Variants in DMD observed in about 807,000 individuals in gnomAD.
DMD encodes dystrophin, also known as mutant dystrophin.
In DMD, 63 loss-of-function variants were observed where a neutral mutation model predicts 330.1. That is an observed-to-expected ratio of 0.19 (90% CI 0.16 to 0.24). The LOEUF is 0.24. Among genes scored for constraint, DMD ranks in the 10% least tolerant of loss-of-function variants. The pLI, the probability that DMD is intolerant of heterozygous loss-of-function variation, is 1.00. For synonymous variants in DMD, 1,223 were observed against 959.8 expected (o/e 1.27, Z -5.07); for missense variants, 3,344 against 2,684.1 (o/e 1.25, Z -5.43).
intron 62 of DMD, among the ~76,000 whole-genome samples, chrX:31,272,437 A>C (rs2051716549): frequency 8.9e-6 from 1 of 111,928 alleles, no homozygotes; most frequent in Non-Finnish European, 1.9e-5. Context: ...GGTCTACCTT[A>C]ACAGCTCAAA....
At chrX:31,707,238 C>T (rs1220674946) in intron 52 of DMD, among the ~76,000 whole-genome samples, 1 of 110,501 alleles carries the variant, frequency 9.0e-6, no homozygotes, top group Non-Finnish European at 1.9e-5. Context: ...GCTGAAATAG[C>T]TAATATGAGA....
At chrX:32,895,016 T>C (rs752478749) in intron 2 of DMD, among the ~76,000 whole-genome samples, 1 of 112,077 alleles carries the variant, frequency 8.9e-6, no homozygotes, top group East Asian at 2.8e-4. Context: ...TGGAGAGGGC[T>C]CTCCTCCTGA....
At chrX:31,959,409 G>A (rs2095278483) in intron 45 of DMD, among the ~76,000 whole-genome samples, 2 of 111,108 alleles carry the variant, frequency 1.8e-5, no homozygotes, top group South Asian at 3.8e-4. Flanking sequence ...GTGGATAGGC[G>A]GTTTTTGGAA....
chrX:32,059,776 T>C (rs1249158227), intron 44 of DMD, among the ~76,000 whole-genome samples: 2 of 111,398 alleles, frequency 1.8e-5, no homozygotes, highest in Non-Finnish European at 3.8e-5. Context: ...GTGATAATAC[T>C]GGATGCTTAA....
intron 2 of DMD, among the ~76,000 whole-genome samples, chrX:32,884,849 CT>C (rs2084364955): frequency 8.9e-6 from 1 of 112,076 alleles, no homozygotes; most frequent in Non-Finnish European, 1.9e-5. Context: ...TCACTGTCGC[CT>C]TTACATCTTC....
intron 11 of DMD, among the ~76,000 whole-genome samples, chrX:32,619,375 AG>A (rs2057822396): frequency 9.0e-6 from 1 of 111,367 alleles, no homozygotes; most frequent in Non-Finnish European, 1.9e-5. Context: ...AAAATATTCA[AG>A]TGATGTATTT....
Position 32,484,921 on chromosome X carries a change from G to A in DMD, c.2801C>T (p.Thr934Ile), listed in dbSNP as rs2042264322. 8.3e-7 allele frequency: 1 copy of A among 1,210,685 alleles called. No individual in the cohort carries two copies. The highest frequency in any genetic ancestry group is 1.1e-6 in the Non-Finnish European group (1 of 894,809). Residue 934 changes from threonine to isoleucine, a missense_variant and splice_region_variant, in exon 21 of 79, where the codon ACA becomes ATA. Physicochemically the swap from Thr to Ile is moderately conservative, Grantham distance 89. Transcript: ENST00000357033. ...GCCATTTTAGGCTTTTTACTTACTT[G>A]TCTGTAGCTCTTTCTCTCTGGCCTG... ...DVQAREKELQ[T>I]IFDTLPPMRY...
At chrX:32,778,243 C>CAAAAAAAAAAAAA (rs35311570) in intron 7 of DMD, among the ~76,000 whole-genome samples, 2 of 67,646 alleles carry the variant, frequency 3.0e-5, no homozygotes, top group African/African-American at 1.1e-4. Flanking sequence ...CAGATCCTCG[C>CAAAAAAAAAAAAA]AAAAAAAAAA....
chrX:31,998,024 T>A (rs2095600910), intron 44 of DMD, among the ~76,000 whole-genome samples: 1 of 111,608 alleles, frequency 9.0e-6, no homozygotes, highest in African/African-American at 3.3e-5. Flanking sequence ...TGGCTGGGTC[T>A]GAAGTGAGCT....
rs149905494 is a variant in DMD at position 32,170,152 on chromosome X, A to G, written c.6438+46764T>C. ...CCACCACACCTGTTACTTTTGACAT[A>G]TTTTTATATTTCTCAATAATTAAAA... is the stretch of plus-strand genomic sequence containing the variant. On this transcript the variant is annotated intron_variant, in intron 44 of 78. Coordinates refer to ENST00000357033, the MANE Select transcript of DMD (RefSeq NM_004006.3). 2.3e-3 allele frequency among the ~76,000 whole-genome samples: 250 copies of G among 110,375 alleles called. 1 individual carries two copies. Among genetic ancestry groups the G allele is most frequent in the African/African-American group, 7.5e-3 (226 of 30,332 alleles).
At chrX:33,275,630 C>T (rs1203865144) in intron 1 of DMD, among the ~76,000 whole-genome samples, 1 of 111,438 alleles carries the variant, frequency 9.0e-6, no homozygotes, top group Non-Finnish European at 1.9e-5. Flanking sequence ...TGGCAATTTG[C>T]TATTTAGGAA....
chrX:31,291,449 G>C (rs955006260), intron 62 of DMD, among the ~76,000 whole-genome samples: 1 of 111,594 alleles, frequency 9.0e-6, no homozygotes, highest in Non-Finnish European at 1.9e-5. Flanking sequence ...CTTACGCTTC[G>C]CTAGCCTTGC....
intron 19 of DMD, among the ~76,000 whole-genome samples, chrX:32,495,301 G>A (rs2043383150): frequency 9.0e-6 from 1 of 111,675 alleles, no homozygotes; most frequent in South Asian, 3.7e-4. Flanking sequence ...GGAGTAGAAA[G>A]AGTATAACTA....
chrX:32,299,630 C>G (rs765396186), intron 42 of DMD, among the ~76,000 whole-genome samples: 1 of 110,244 alleles, frequency 9.1e-6, no homozygotes, highest in East Asian at 2.9e-4. Flanking sequence ...CTTGAACATC[C>G]AGAGTGGGAC....
At chrX:32,519,855 G>C (rs967663688) in intron 17 of DMD, among the ~76,000 whole-genome samples, 1 of 111,882 alleles carries the variant, frequency 8.9e-6, no homozygotes, top group Non-Finnish European at 1.9e-5. Context: ...GGAACACAAA[G>C]CCCTTAGAAA....
intron 2 of DMD, among the ~76,000 whole-genome samples, chrX:33,008,784 CTATATATACG>C (rs1241074749): frequency 5.0e-4 from 18 of 35,962 alleles, no homozygotes; most frequent in Middle Eastern, 0.017. Flanking sequence ...CCTAAAACAA[CTATATATACG>C]TATATATACG....
At chrX:33,242,879 G>T (rs970260460) in intron 1 of DMD, among the ~76,000 whole-genome samples, 1 of 111,852 alleles carries the variant, frequency 8.9e-6, no homozygotes, top group Non-Finnish European at 1.9e-5. Flanking sequence ...ATGTTTGTTG[G>T]CCATCTGTAG....
chrX:33,280,352 A>G (rs1051868430), intron 1 of DMD, among the ~76,000 whole-genome samples: 18 of 112,062 alleles, frequency 1.6e-4, no homozygotes, highest in African/African-American at 5.8e-4. Context: ...ACTTTATCAA[A>G]ATTTCCTTTT....
upstream of DMD, chrX:33,211,605 C>T: frequency 1.0e-6 from 1 of 962,298 alleles, no homozygotes; most frequent in Non-Finnish European, 1.3e-6. Context: ...TGCGCACAAG[C>T]AAGTGACCCG....
Sources: allele counts gnomAD v4.1 joint callset (sites outside exome capture counted in the v4.1 genomes callset), GRCh38; gene constraint gnomAD v4.1.1; transcripts MANE v1.5; gene names NCBI Gene and HGNC (gene_info 2026-07-23, HGNC 2026-07-21).